Variants in DRC3 observed in about 807,000 individuals in gnomAD.
The protein encoded by DRC3 is dynein regulatory complex subunit 3, also known as leucine rich repeat containing 48.
Under a neutral mutation model 57.6 loss-of-function variants are expected in DRC3, and 45 were observed. The ratio of observed to expected loss-of-function variants is 0.78; its 90% CI spans 0.62 to 1.00. The LOEUF is 1.00. Among genes scored for constraint, DRC3 ranks in the 50% least tolerant of loss-of-function variants. The probability of loss-of-function intolerance (pLI) is 0.00; values close to 1 mark genes in which losing one functional copy is unlikely to be tolerated. For synonymous variants in DRC3, 257 were observed against 272.3 expected, an observed-to-expected ratio of 0.94 and a Z score of 0.55; for missense variants, 655 against 675.2, an observed-to-expected ratio of 0.97 and a Z score of 0.33.
At chr17:17,994,739 G>A (rs562524590) in intron 7 of DRC3, among the ~76,000 whole-genome samples, 7 of 152,300 alleles carry the variant, frequency 4.6e-5, no homozygotes, top group Admixed American at 4.6e-4. Flanking sequence ...AACGGCTCAG[G>A]TCCTGTAGCC....
chr17:18,006,936 C>T (rs2043975507), intron 11 of DRC3, 88 bp from the exon 12 acceptor site: 19 of 1,567,560 alleles, frequency 1.2e-5, no homozygotes, highest in South Asian at 8.1e-5. Context: ...TCGCCTTGGG[C>T]CCTTAAAGTC....
At chr17:18,014,778 C>T (rs557930107) in intron 12 of DRC3, among the ~76,000 whole-genome samples, 1 of 152,338 alleles carries the variant, frequency 6.6e-6, no homozygotes, top group South Asian at 2.1e-4. Context: ...AGGACACCCA[C>T]TCCTAAGCAC....
intron 5 of DRC3, 181 bp downstream of exon 5, chr17:17,988,279 T>A (rs200846081): frequency 1.1e-5 from 7 of 665,208 alleles, no homozygotes; most frequent in East Asian, 5.6e-5. Flanking sequence ...ATACCATGCT[T>A]ACCCAACAAA....
Position 17,990,740 on chromosome 17 carries a change from C to T in DRC3, c.445-2025C>T, listed in dbSNP as rs562549698. Reference sequence around the variant, plus strand: ...GGCCCGGTGGTTCACACCTGTAATCCCAGCACTTTGGGAGGCCAAGGTGGG... The same window carrying T: ...GGCCCGGTGGTTCACACCTGTAATCTCAGCACTTTGGGAGGCCAAGGTGGG... On this transcript the variant is annotated intron_variant, in intron 5 of 13. Coordinates refer to ENST00000399187, the MANE Select transcript of DRC3 (RefSeq NM_031294.4). Among the ~76,000 whole-genome samples, 622 of 152,248 alleles carry T rather than the reference C, an allele frequency of 4.1e-3. 3 individuals are homozygous for T. The highest frequency in any genetic ancestry group is 0.014 in the Middle Eastern group (4 of 294).
chr17:17,986,284 C>T (rs978338157), intron 4 of DRC3, among the ~76,000 whole-genome samples: 1 of 152,196 alleles, frequency 6.6e-6, no homozygotes, highest in East Asian at 1.9e-4. Context: ...TCTCAGTTTC[C>T]TCATCTATAA....
chr17:17,996,482 A>G (rs2043462803), intron 8 of DRC3, among the ~76,000 whole-genome samples: 1 of 152,230 alleles, frequency 6.6e-6, no homozygotes, highest in South Asian at 2.1e-4. Context: ...CATGAGACTC[A>G]TTCACTATCA....
At chr17:17,991,958 C>G (rs1008927619) in intron 5 of DRC3, among the ~76,000 whole-genome samples, 2 of 151,744 alleles carry the variant, frequency 1.3e-5, no homozygotes, top group South Asian at 4.2e-4. Context: ...CTGGTCAACA[C>G]AGCAAGACCC....
rs76879559 is a variant in DRC3 at position 18,008,081 on chromosome 17, G to C, written c.1326+934G>C. 0.016 allele frequency: 2,479 copies of C among 155,870 alleles called. 67 individuals are homozygous for C. Among genetic ancestry groups the C allele is most frequent in the African/African-American group, 0.057 (2,386 of 41,584 alleles). The allele number at this position is 155,870 out of a possible 1,614,324, so 9.7% of individuals were successfully genotyped here. A position where few individuals can be genotyped will look rare whatever the true frequency, so the allele number is the denominator to read the frequency against. ...CCCTCGGGCTGACCCTGCCCATCTG[G>C]GCGATTCCCACCCCCAGAACCCTCA... is the stretch of plus-strand genomic sequence containing the variant. On this transcript the variant is annotated intron_variant, in intron 12 of 13. Coordinates refer to ENST00000399187, the MANE Select transcript of DRC3 (RefSeq NM_031294.4). The surrounding 1 kb of genome is among the most constrained non-coding windows in gnomAD (Gnocchi z 4.3).
At chr17:17,980,614 G>C (rs1354867661) in intron 3 of DRC3, among the ~76,000 whole-genome samples, 10 of 37,570 alleles carry the variant, frequency 2.7e-4, no homozygotes, top group African/African-American at 9.8e-4. Context: ...TTTTTTTTTT[G>C]AGATGGAGTC....
chr17:18,016,202 C>A lies in DRC3; in HGVS notation c.1458+7C>A. 1.2e-6 allele frequency: 2 copies of A among 1,612,782 alleles called. No homozygotes were observed. Among genetic ancestry groups the A allele is most frequent in the South Asian group, 2.2e-5 (2 of 91,030 alleles). ...TACACGTTTAATAGACAGGGTGAGT[C>A]AATCCCAAGCCATCCTAGCAGGCTG... On this transcript the variant is annotated splice_region_variant and intron_variant, in intron 13 of 13. Transcript: ENST00000399187.
Position 18,006,260 on chromosome 17 carries a change from T to G in DRC3, c.1202+7T>G, listed in dbSNP as rs1250380825. ...TCGAAAATGTCCAAAGCCTATATCC[T>G]TTCTGTGATGACCTTCCCCATGGGG... On this transcript the variant is annotated splice_region_variant and intron_variant, in intron 11 of 13. Transcript: ENST00000399187. 6.2e-7 allele frequency: 1 copy of G among 1,603,774 alleles called. No homozygotes were observed. The highest frequency in any genetic ancestry group is 1.3e-5 in the African/African-American group (1 of 74,738).
In DRC3 at chr17:18,016,875, A is replaced by C; in HGVS notation, c.*204A>C. 2.6e-5 allele frequency: 2 copies of C among 75,712 alleles called. No homozygotes were observed. The highest frequency in any genetic ancestry group is 6.8e-3 in the East Asian group (1 of 146). The allele number at this position is 75,712 out of a possible 1,614,324, so 4.7% of individuals were successfully genotyped here. ...TCATTTCACATTTCCCCTACTCATAAAAAAAAAAAAAAAATCAGCTGGGTG... is the reference window on the plus strand; with the variant it reads ...TCATTTCACATTTCCCCTACTCATACAAAAAAAAAAAAAATCAGCTGGGTG... On this transcript the variant is annotated 3_prime_UTR_variant, in exon 14 of 14. Transcript: ENST00000399187.
chr17:18,007,744 C>A, intron 12 of DRC3: 1 of 1,174,870 alleles, frequency 8.5e-7, no homozygotes, highest in South Asian at 2.4e-5. Flanking sequence ...CATCAAGGGC[C>A]CAGACAGAGA....
At position 18,008,349 on chromosome 17, in the gene DRC3, T is replaced by C. The variant is rs1385853163; in HGVS notation, c.1326+1202T>C. 6.6e-6 allele frequency among the ~76,000 whole-genome samples: 1 copy of C among 152,236 alleles called. No individual in the cohort carries two copies. The highest frequency in any genetic ancestry group is 1.5e-5 in the Non-Finnish European group (1 of 68,046). On this transcript the variant is annotated intron_variant, in intron 12 of 13. Transcript: ENST00000399187. This position sits in a 1 kb window ranked among gnomAD's most constrained non-coding sequence, Gnocchi z 4.3. ...ATCAGGTCAGGTCAGAGCCTCATCATAGTTTCAAACTACCTGGCTGATGTG... is the reference window on the plus strand; with the variant it reads ...ATCAGGTCAGGTCAGAGCCTCATCACAGTTTCAAACTACCTGGCTGATGTG...
intron 3 of DRC3, among the ~76,000 whole-genome samples, chr17:17,982,495 G>A (rs1399227189): frequency 1.3e-5 from 2 of 151,644 alleles, no homozygotes; most frequent in Admixed American, 6.6e-5. Context: ...GATTACAGGC[G>A]TGAGCCACCA....
intron 12 of DRC3, 163 bp downstream of exon 12, chr17:18,007,310 T>C (rs756826920): frequency 7.6e-5 from 100 of 1,319,886 alleles, no homozygotes; most frequent in Non-Finnish European, 1.1e-4. Flanking sequence ...GCAGATAAAA[T>C]AGGCTAACAA....
intron 12 of DRC3, among the ~76,000 whole-genome samples, chr17:18,009,412 A>C (rs143646655): frequency 6.6e-6 from 1 of 152,320 alleles, no homozygotes; most frequent in Non-Finnish European, 1.5e-5. Context: ...CAAAAAAATA[A>C]AATAAAATAA....
In DRC3 at chr17:18,006,163, G is replaced by A; in HGVS notation, c.1132-20G>A. Reference sequence around the variant, plus strand: ...GGACATCTAAATATGCATGTTAACTGTGTTCTTTAACATTTCCAGGAGACT... The same window carrying A: ...GGACATCTAAATATGCATGTTAACTATGTTCTTTAACATTTCCAGGAGACT... On this transcript the variant is annotated intron_variant, in intron 10 of 13. Coordinates refer to ENST00000399187, the MANE Select transcript of DRC3 (RefSeq NM_031294.4). The A allele has an allele frequency of 6.3e-7, 1 of 1,579,536 alleles. No individual in the cohort carries two copies. The highest frequency in any genetic ancestry group is 8.7e-7 in the Non-Finnish European group (1 of 1,150,354).
At position 17,983,239 on chromosome 17, in the gene DRC3, C is replaced by G. The variant is rs1382373121; in HGVS notation, c.161-589C>G. ...TCCCCTACGTATGGACATTTGGGAG[C>G]TTTTCTGCCCCTTACGTGCCTGAGG... On this transcript the variant is annotated intron_variant, in intron 3 of 13. Coordinates refer to ENST00000399187, the MANE Select transcript of DRC3 (RefSeq NM_031294.4). Among the ~76,000 whole-genome samples, 4 of 152,192 alleles carry G rather than the reference C, an allele frequency of 2.6e-5. No individual in the cohort carries two copies. The East Asian group carries it at 7.7e-4, about 29-fold the overall frequency.
Sources: allele counts gnomAD v4.1 joint callset (sites outside exome capture counted in the v4.1 genomes callset), GRCh38; gene constraint gnomAD v4.1.1; non-coding constraint Gnocchi (gnomAD v3.1); transcripts MANE v1.5; gene names NCBI Gene and HGNC (gene_info 2026-07-23, HGNC 2026-07-21).